Variants in GRID2 observed in about 807,000 individuals in gnomAD.
GRID2 encodes glutamate ionotropic receptor delta type subunit 2.
GRID2 carries 33 observed loss-of-function variants against 114.8 expected under a neutral mutation model. That is an observed-to-expected ratio of 0.29 (90% CI 0.22 to 0.38). The LOEUF (loss-of-function observed/expected upper bound fraction) is 0.38. GRID2 is among the 10% of genes least tolerant of loss of function. The pLI is 1.00. For missense variants in GRID2, 1,184 were observed against 1,257.7 expected, an observed-to-expected ratio of 0.94 and a Z score of 0.89; for synonymous variants, 505 against 449.9, an observed-to-expected ratio of 1.12 and a Z score of -1.55.
At chr4:92,366,183 T>A (rs1281808240) in intron 1 of GRID2, among the ~76,000 whole-genome samples, 1 of 151,976 alleles carries the variant, frequency 6.6e-6, no homozygotes, top group Non-Finnish European at 1.5e-5. Context: ...CTCAGAAATG[T>A]TAAATTTATA....
chr4:93,490,643 G>T lies in GRID2; in HGVS notation c.1863G>T (p.Gly621=). ...TCTCTTTGCTTCTTTCTACAGGCGG[G>T]GAAGTCCCGTACACGACTCTGGCTA... is the stretch of plus-strand genomic sequence containing the variant. ...FVYGSFVQQG[G]EVPYTTLATR... The change falls in exon 12 of 16, where the codon GGG becomes GGT. Residue 621 remains glycine (G), a synonymous_variant. Coordinates refer to ENST00000282020, the MANE Select transcript of GRID2 (RefSeq NM_001510.4). 1 of 1,607,722 alleles carries T rather than the reference G, an allele frequency of 6.2e-7. No individual in the cohort carries two copies. The highest frequency in any genetic ancestry group is 8.5e-7 in the Non-Finnish European group (1 of 1,175,440).
At chr4:92,685,779 T>C (rs1297563747) in intron 2 of GRID2, among the ~76,000 whole-genome samples, 1 of 152,060 alleles carries the variant, frequency 6.6e-6, no homozygotes. Flanking sequence ...TTATATTCTC[T>C]ACCTGTTCTA....
chr4:92,586,355 TACACACAC>T (rs200184543), intron 1 of GRID2, among the ~76,000 whole-genome samples: 85 of 146,010 alleles, frequency 5.8e-4, no homozygotes, highest in African/African-American at 1.7e-3. Context: ...ACAAAAAATC[TACACACAC>T]ACACACACAC....
chr4:92,604,380 C>A (rs138708907), intron 2 of GRID2, among the ~76,000 whole-genome samples: 46 of 152,220 alleles, frequency 3.0e-4, no homozygotes, highest in African/African-American at 1.1e-3. Context: ...GAGATTATGT[C>A]ATTTGCTGGG....
At chr4:93,453,298 C>T (rs1359527882) in intron 10 of GRID2, among the ~76,000 whole-genome samples, 1 of 138,604 alleles carries the variant, frequency 7.2e-6, no homozygotes, top group Non-Finnish European at 1.5e-5. Context: ...GAAGACTATA[C>T]AAAACTCAGA....
At chr4:93,769,109 A>G in intron 14 of GRID2, 101 bp from the exon 15 acceptor site, 6 of 1,124,750 alleles carry the variant, frequency 5.3e-6, no homozygotes, top group Non-Finnish European at 6.5e-6. Flanking sequence ...TTTCCCTTTG[A>G]CAGCCACCAT....
At chr4:93,466,496 A>G (rs1045343375) in intron 11 of GRID2, among the ~76,000 whole-genome samples, 1 of 152,194 alleles carries the variant, frequency 6.6e-6, no homozygotes, top group African/African-American at 2.4e-5. Context: ...AGTCATATTT[A>G]TAACCCACTT....
chr4:92,786,705 G>A (rs1337484284), intron 2 of GRID2, among the ~76,000 whole-genome samples: 1 of 151,844 alleles, frequency 6.6e-6, no homozygotes, highest in East Asian at 1.9e-4. Context: ...AAAAAGAAAA[G>A]CTGTCATTTG....
chr4:93,268,192 C>A (rs1751063136), intron 8 of GRID2, among the ~76,000 whole-genome samples: 1 of 152,206 alleles, frequency 6.6e-6, no homozygotes, highest in Non-Finnish European at 1.5e-5. Context: ...AATCTCTACA[C>A]ACTATTTTGC....
At chr4:92,435,476 G>T (rs1732691782) in intron 1 of GRID2, among the ~76,000 whole-genome samples, 1 of 152,138 alleles carries the variant, frequency 6.6e-6, no homozygotes, top group African/African-American at 2.4e-5. Flanking sequence ...GTAGATAATA[G>T]TTCCCTTCTT....
At chr4:92,348,532 T>G (rs1184756174) in intron 1 of GRID2, among the ~76,000 whole-genome samples, 1 of 152,198 alleles carries the variant, frequency 6.6e-6, no homozygotes. Flanking sequence ...TCAGAAAGAC[T>G]GAAGAGCTAA....
At chr4:92,439,186 A>C (rs1732891441) in intron 1 of GRID2, among the ~76,000 whole-genome samples, 1 of 151,978 alleles carries the variant, frequency 6.6e-6, no homozygotes, top group Non-Finnish European at 1.5e-5. Context: ...GTGCTTTTTG[A>C]GCCAGGATGA....
chr4:93,654,570 GA>G (rs1163063347), intron 14 of GRID2, among the ~76,000 whole-genome samples: 4 of 151,612 alleles, frequency 2.6e-5, no homozygotes, highest in South Asian at 2.1e-4. Context: ...TGAGTAAGGG[GA>G]AAAAAAACTT....
At position 93,661,311 on chromosome 4, in the gene GRID2, T is replaced by C. The variant is rs144737921; in HGVS notation, c.2360+34876T>C. Among the ~76,000 whole-genome samples the C allele has an allele frequency of 8.8e-4, 134 of 152,320 alleles. 1 individual carries two copies. The highest frequency in any genetic ancestry group is 3.4e-3 in the Middle Eastern group (1 of 294). On this transcript the variant is annotated intron_variant, in intron 14 of 15. Transcript: ENST00000282020. ...GGTCAAACAAGGTGATATTCTATCA[T>C]CTTGTTTTAGCTCTCATGCAGTAAA...
At chr4:93,652,117 A>G (rs1722631828) in intron 14 of GRID2, among the ~76,000 whole-genome samples, 1 of 151,652 alleles carries the variant, frequency 6.6e-6, no homozygotes, top group Non-Finnish European at 1.5e-5. Context: ...ATTTGAATAC[A>G]GGGTCTTAAA....
intron 14 of GRID2, among the ~76,000 whole-genome samples, chr4:93,761,656 G>A (rs1733223665): frequency 6.6e-6 from 1 of 152,024 alleles, no homozygotes; most frequent in East Asian, 1.9e-4. Context: ...AACTCTTGGT[G>A]GATTGAAATT....
rs1414980645 is a variant in GRID2, at chr4:93,769,466, AT to A, written c.2601+19del. The A allele has an allele frequency of 1.9e-6, 3 of 1,612,620 alleles. No individual in the cohort carries two copies. Among genetic ancestry groups the A allele is most frequent in the Admixed American group, 1.7e-5 (1 of 59,946 alleles). On this transcript the variant is annotated intron_variant, in intron 15 of 15. Transcript: ENST00000282020. The stretch of plus-strand genomic sequence containing the variant: ...ATCAAAAGAGGTACTTGATTGAGAG[AT>A]TTGGCTCTAAATTGAATCAACAAGC...
At chr4:92,868,036 C>G (rs906594926) in intron 2 of GRID2, among the ~76,000 whole-genome samples, 3 of 130,388 alleles carry the variant, frequency 2.3e-5, no homozygotes, top group Admixed American at 1.7e-4. Context: ...TTCTTTCTTT[C>G]TTTCTTTCTT....
chr4:92,863,692 G>A (rs1356531883), intron 2 of GRID2, among the ~76,000 whole-genome samples: 2 of 152,018 alleles, frequency 1.3e-5, no homozygotes, highest in African/African-American at 4.8e-5. Flanking sequence ...ATGGTTTTGA[G>A]AACATGTCGG....
Sources: allele counts gnomAD v4.1 joint callset (sites outside exome capture counted in the v4.1 genomes callset), GRCh38; gene constraint gnomAD v4.1.1; transcripts MANE v1.5; gene names NCBI Gene and HGNC (gene_info 2026-07-23, HGNC 2026-07-21).